The following OR8B2 variants were observed in gnomAD, a reference collection of about 807,000 sequenced individuals.
The protein encoded by OR8B2 is olfactory receptor 8B2.
For missense variants in OR8B2, 304 were observed against 379.6 expected (o/e 0.80, Z 1.65); for synonymous variants, 98 against 138.2 (o/e 0.71, Z 2.04).
the OR8B2 span, chr11:124,395,397 GAAAT>G: frequency 6.6e-6 from 1 of 152,134 alleles, no homozygotes; most frequent in African/African-American, 2.4e-5. Flanking sequence ...GGAATTATGA[GAAAT>G]AACCTTTATA....
chr11:124,393,513 CGT>C, the OR8B2 span, among the ~76,000 whole-genome samples: 1 of 77,372 alleles, frequency 1.3e-5, no homozygotes, highest in Non-Finnish European at 2.4e-5. Flanking sequence ...CATGAAAAAA[CGT>C]TCATCATCAC....
rs1445961966 is a variant in OR8B2, at chr11:124,383,084, G to C, written c.260C>G (p.Ser87Ter). Residue 87 changes from serine (S) to a stop codon, truncating the protein, a stop_gained, in exon 2 of 2, where the codon TCA (serine) becomes TGA (stop). Transcript: ENST00000641451. LOFTEE classifies it low-confidence loss of function (END_TRUNC). ...AACATTGGAGATAATATTCTTTTTT[G>C]ACACAAAGTTCATTAGCATTTTGGG... ...FTPKMLMNFV[S>*]KKNIISNVGC... 2 of 1,613,842 alleles carry C rather than the reference G, an allele frequency of 1.2e-6. No homozygotes were observed. The highest frequency in any genetic ancestry group is 1.7e-6 in the Non-Finnish European group (2 of 1,179,832).
chr11:124,392,314 A>G, the OR8B2 span, among the ~76,000 whole-genome samples: 19 of 126,422 alleles, frequency 1.5e-4, no homozygotes, highest in African/African-American at 6.2e-4. Context: ...GAAAAGAGGA[A>G]GTCAAATTGT....
upstream of OR8B2, among the ~76,000 whole-genome samples, chr11:124,388,388 C>A (rs1424176708): frequency 6.6e-6 from 1 of 152,068 alleles, no homozygotes; most frequent in Non-Finnish European, 1.5e-5. Flanking sequence ...ATGATATTGG[C>A]CGTGGGTTTG....
At chr11:124,385,633 C>CT (rs10552688), upstream of OR8B2, among the ~76,000 whole-genome samples, 29 of 139,390 alleles carry the variant, frequency 2.1e-4, no homozygotes, top group Admixed American at 5.8e-4. Context: ...CTCTCTCTCT[C>CT]TTTTTTTTTT....
chr11:124,385,744 C>T (rs932012556), upstream of OR8B2, among the ~76,000 whole-genome samples: 4 of 151,618 alleles, frequency 2.6e-5, no homozygotes, highest in Admixed American at 2.6e-4. Context: ...GATCGTCCCA[C>T]CTCAGCCTCC....
chr11:124,382,840 G>A lies in OR8B2; in HGVS notation c.504C>T (p.Phe168=), dbSNP rs138798153. ...AHTGCMLRLT[F]CSANIINHYL... is the part of the protein sequence containing the mutation. ...AATGGTTGATGATATTAGCACTGCA[G>A]AAGGTGAGTCTAAGCATGCACCCGG... The change falls in exon 2 of 2, where the codon TTC becomes TTT. Residue 168 remains phenylalanine (F), a synonymous_variant. Transcript: ENST00000641451. 297 of 1,604,606 alleles carry A rather than the reference G, an allele frequency of 1.9e-4. No homozygotes were observed. Among genetic ancestry groups the A allele is most frequent in the Admixed American group, 3.9e-4 (23 of 59,474 alleles).
chr11:124,386,485 C>A (rs867257004), upstream of OR8B2, among the ~76,000 whole-genome samples: 5 of 141,160 alleles, frequency 3.5e-5, no homozygotes, highest in Non-Finnish European at 1.5e-5. Context: ...TCAATTCCCA[C>A]CTATGAGTGA....
At chr11:124,393,998 C>T in the OR8B2 span, among the ~76,000 whole-genome samples, 17 of 149,376 alleles carry the variant, frequency 1.1e-4, no homozygotes, top group Middle Eastern at 3.2e-3. Context: ...AGTAAACTAT[C>T]GCAAGAACAA....
chr11:124,393,990 T>G, the OR8B2 span, among the ~76,000 whole-genome samples: 2 of 150,298 alleles, frequency 1.3e-5, no homozygotes, highest in Non-Finnish European at 3.0e-5. Flanking sequence ...TCATTCTCAG[T>G]AAACTATCGC....
the OR8B2 span, among the ~76,000 whole-genome samples, chr11:124,391,986 A>G: frequency 8.0e-6 from 1 of 125,366 alleles, no homozygotes; most frequent in African/African-American, 3.6e-5. Flanking sequence ...GTAATCCAGC[A>G]TATAAACAGA....
At chr11:124,393,191 G>T in the OR8B2 span, among the ~76,000 whole-genome samples, 9 of 146,978 alleles carry the variant, frequency 6.1e-5, no homozygotes, top group African/African-American at 2.4e-4. Flanking sequence ...TACCATTCAG[G>T]ACATAGGCAT....
upstream of OR8B2, among the ~76,000 whole-genome samples, chr11:124,386,215 T>A (rs1290203935): frequency 6.6e-6 from 1 of 151,722 alleles, no homozygotes; most frequent in Non-Finnish European, 1.5e-5. Flanking sequence ...TTTATTTTTA[T>A]ATATTTATTT....
chr11:124,386,082 T>C (rs920159322), upstream of OR8B2, among the ~76,000 whole-genome samples: 8 of 152,116 alleles, frequency 5.3e-5, no homozygotes, highest in African/African-American at 1.9e-4. Context: ...AGTTCTATCA[T>C]AGGGTCAGAT....
chr11:124,396,789 G>A, the OR8B2 span: 1 of 1,612,720 alleles, frequency 6.2e-7, no homozygotes, highest in South Asian at 1.1e-5. Flanking sequence ...GCTGGTGCAG[G>A]AAAGCTGGAG....
At chr11:124,396,493 G>T in the OR8B2 span, 8 of 1,614,112 alleles carry the variant, frequency 5.0e-6, no homozygotes, top group Non-Finnish European at 6.8e-6. Flanking sequence ...CTGTAGATGA[G>T]AGGATTGAGC....
upstream of OR8B2, among the ~76,000 whole-genome samples, chr11:124,385,636 T>C (rs1336946504): frequency 1.9e-5 from 1 of 53,270 alleles, no homozygotes; most frequent in African/African-American, 1.7e-4. Context: ...TCTCTCTCTT[T>C]TTTTTTTTTT....
the OR8B2 span, chr11:124,396,939 T>C: frequency 3.7e-6 from 6 of 1,609,830 alleles, no homozygotes; most frequent in Admixed American, 8.4e-5. Flanking sequence ...ACAGACCTGA[T>C]GGGACATGGT....
chr11:124,396,462 T>G, the OR8B2 span: 1 of 1,613,612 alleles, frequency 6.2e-7, no homozygotes, highest in African/African-American at 1.3e-5. Context: ...CAGTGCAACT[T>G]TGACATCCTT....
Sources: gnomAD v4.1 joint callset for allele counts (sites outside exome capture counted in the v4.1 genomes callset) on GRCh38, gnomAD v4.1.1 for gene constraint, MANE v1.5 for transcripts, NCBI Gene and HGNC (gene_info 2026-07-23, HGNC 2026-07-21) for gene names.